The following ARHGAP23 variants were observed in gnomAD, a reference collection of about 807,000 sequenced individuals.
ARHGAP23 encodes the protein rho GTPase-activating protein 23.
A neutral mutation model predicts 136.3 loss-of-function variants in ARHGAP23; 34 were observed. The observed-to-expected ratio is 0.25, with a 90% CI of 0.19 to 0.33. The LOEUF (loss-of-function observed/expected upper bound fraction) is 0.33, where lower values mean the gene tolerates loss of function less well. Among genes scored for constraint, ARHGAP23 ranks in the 10% least tolerant of loss-of-function variants. ARHGAP23 has a pLI of 1.00. For synonymous variants in ARHGAP23, 832 were observed against 920.5 expected, an observed-to-expected ratio of 0.90 and a Z score of 1.74; for missense variants, 1,808 against 2,139.0, an observed-to-expected ratio of 0.85 and a Z score of 3.05.
At chr17:38,451,690 G>A (rs892789652) in intron 1 of ARHGAP23, 3 of 152,286 alleles carry the variant, frequency 2.0e-5, no homozygotes, top group Non-Finnish European at 4.4e-5. Context: ...CTCCGCCTGG[G>A]GCCCCAGAGT....
At chr17:38,437,863 G>A (rs1045771857) in intron 1 of ARHGAP23, among the ~76,000 whole-genome samples, 1 of 152,082 alleles carries the variant, frequency 6.6e-6, no homozygotes, top group African/African-American at 2.4e-5. Context: ...GCTTCTCTGT[G>A]TCTTCTGTGA....
chr17:38,478,708 C>T (rs551539117), intron 12 of ARHGAP23, among the ~76,000 whole-genome samples: 34 of 152,072 alleles, frequency 2.2e-4, no homozygotes, highest in Non-Finnish European at 3.4e-4. Context: ...TGTGCCCAGC[C>T]GAAGAATTTT....
chr17:38,491,011 C>T (rs1378291393), intron 19 of ARHGAP23, among the ~76,000 whole-genome samples: 1 of 152,208 alleles, frequency 6.6e-6, no homozygotes, highest in African/African-American at 2.4e-5. Flanking sequence ...CTTCGCCTCC[C>T]GGGTTCAAGC....
intron 12 of ARHGAP23, among the ~76,000 whole-genome samples, chr17:38,478,333 C>T (rs1597814013): frequency 6.6e-6 from 1 of 152,278 alleles, no homozygotes; most frequent in African/African-American, 2.4e-5. Flanking sequence ...AGCACATTGA[C>T]CTTGTGAGGA....
rs1236178331 is a variant in ARHGAP23 at position 38,511,192 on chromosome 17, A to G, written c.*220A>G. The G allele has an allele frequency of 7.7e-6, 4 of 522,148 alleles. No homozygotes were observed. Among genetic ancestry groups the G allele is most frequent in the Admixed American group, 4.3e-5 (1 of 23,076 alleles). The allele number at this position is 522,148 out of a possible 1,614,324, so 32.3% of individuals were successfully genotyped here. ...ATGGAAGGGGGTTCCAGAGGTGATG[A>G]GCAGAAGAGGAGGGGGCGTGGGCTG... On this transcript the variant is annotated 3_prime_UTR_variant, in exon 24 of 24. Transcript: ENST00000622683.
At chr17:38,471,812 T>G in intron 10 of ARHGAP23, 51 bp from the exon 11 acceptor site, 1 of 1,480,212 alleles carries the variant, frequency 6.8e-7, no homozygotes, top group Admixed American at 2.1e-5. Flanking sequence ...GTTCCTGAGA[T>G]GCTGGCATTG....
intron 1 of ARHGAP23, among the ~76,000 whole-genome samples, chr17:38,430,568 T>C (rs1165082220): frequency 1.3e-5 from 2 of 152,118 alleles, no homozygotes; most frequent in African/African-American, 4.8e-5. Context: ...CAGAAGGACT[T>C]CTTGATGTGT....
intron 14 of ARHGAP23, among the ~76,000 whole-genome samples, chr17:38,480,113 G>A (rs996961332): frequency 5.9e-5 from 9 of 152,102 alleles, no homozygotes; most frequent in Admixed American, 5.2e-4. Context: ...CCTGCTGGGT[G>A]GTCCTCTAAT....
At chr17:38,463,445 T>C in intron 6 of ARHGAP23, 63 bp downstream of exon 6, 1 of 1,525,920 alleles carries the variant, frequency 6.6e-7, no homozygotes, top group East Asian at 2.5e-5. Context: ...CCGGCTCCCC[T>C]GGGAGGCAGA....
At position 38,469,552 on chromosome 17, in the gene ARHGAP23, C is replaced by T. The variant is rs752242594; in HGVS notation, c.1833C>T (p.Ser611=). 1.1e-4 allele frequency: 168 copies of T among 1,548,534 alleles called. No homozygotes were observed. Among genetic ancestry groups the T allele is most frequent in the Admixed American group, 1.8e-4 (9 of 50,964 alleles). ...GCATCAAGGCTGGCCGCCGCTCCTC[C>T]TACCTGCTGGCCATCACCACGGAGC... ...CSSIKAGRRS[S]YLLAITTERS... Residue 611 remains serine, a synonymous_variant, in exon 9 of 24, where the codon TCC becomes TCT. Coordinates refer to ENST00000622683, the MANE Select transcript of ARHGAP23 (RefSeq NM_001199417.2).
chr17:38,480,803 CAAAAAAAAAA>C (rs764004002), intron 14 of ARHGAP23, among the ~76,000 whole-genome samples: 2 of 48,312 alleles, frequency 4.1e-5, no homozygotes, highest in Non-Finnish European at 8.4e-5. Flanking sequence ...GACCCTGTCT[CAAAAAAAAAA>C]AAAAAAAAAA....
rs892166407 is a variant in ARHGAP23 at position 38,467,014 on chromosome 17, G to T, written c.1331G>T (p.Gly444Val). Reference protein sequence around the residue: ...HALSFRDSPFGGLPTFNLAQS... With the variant: ...HALSFRDSPFVGLPTFNLAQS... ...CTCTCCTTCCGGGACTCACCCTTTGGGGGGCTGCCTACCTTCAACCTGGCC... is the reference window on the plus strand; with the variant it reads ...CTCTCCTTCCGGGACTCACCCTTTGTGGGGCTGCCTACCTTCAACCTGGCC... Residue 444 changes from glycine (G) to valine (V), a missense_variant, in exon 7 of 24, where the codon GGG becomes GTG. Around this residue, in one of 7 missense-constraint regions of ARHGAP23, gnomAD observed 859 missense variants for 936.4 expected, o/e 0.92. Coordinates refer to ENST00000622683, the MANE Select transcript of ARHGAP23 (RefSeq NM_001199417.2). 4 of 1,550,652 alleles carry T rather than the reference G, an allele frequency of 2.6e-6. No individual in the cohort carries two copies. The highest frequency in any genetic ancestry group is 2.4e-5 in the South Asian group (2 of 84,062).
rs2040748651 is a variant in ARHGAP23 at position 38,510,872 on chromosome 17, C to T, written c.4376C>T (p.Ser1459Leu). ...GAGTCCACCAAGGCGCGGGCCCCGT[C>T]GTCCGCTGCCTCGCAGCCGCCCGCG... ...SLESTKARAP[S>L]SAASQPPAPG... Residue 1459 changes from serine (S) to leucine (L), a missense_variant, in exon 24 of 24, where the codon TCG (serine) becomes TTG (leucine). Ser to Leu is a moderately radical substitution (Grantham distance 145). Transcript: ENST00000622683. This position sits in a 1 kb window ranked among gnomAD's most constrained non-coding sequence, Gnocchi z 4.6. 3.3e-6 allele frequency: 5 copies of T among 1,497,618 alleles called. No homozygotes were observed. Among genetic ancestry groups the T allele is most frequent in the Non-Finnish European group, 4.4e-6 (5 of 1,131,226 alleles). The allele number at this position is 1,497,618 out of a possible 1,614,324, so 92.8% of individuals were successfully genotyped here.
chr17:38,438,613 G>A (rs541381814), intron 1 of ARHGAP23, among the ~76,000 whole-genome samples: 3 of 151,942 alleles, frequency 2.0e-5, no homozygotes, highest in Admixed American at 6.6e-5. Flanking sequence ...CAAGGGTCTC[G>A]GGCAGTGGAG....
intron 6 of ARHGAP23, among the ~76,000 whole-genome samples, chr17:38,464,762 TCTG>T (rs769493408): frequency 6.6e-6 from 1 of 152,178 alleles, no homozygotes; most frequent in Non-Finnish European, 1.5e-5. Flanking sequence ...AGCCTCAAGT[TCTG>T]CTGCCCAGGC....
intron 1 of ARHGAP23, among the ~76,000 whole-genome samples, chr17:38,441,837 G>C (rs1003265773): frequency 6.6e-6 from 1 of 152,176 alleles, no homozygotes; most frequent in African/African-American, 2.4e-5. Flanking sequence ...CAGGACAAGG[G>C]CTTGGCACGT....
At chr17:38,446,031 T>G (rs1171735941) in intron 1 of ARHGAP23, among the ~76,000 whole-genome samples, 1 of 151,620 alleles carries the variant, frequency 6.6e-6, no homozygotes, top group African/African-American at 2.4e-5. Context: ...TTTTTTTTTT[T>G]TTTTTGAGAC....
At chr17:38,485,884 G>T (rs918909656) in intron 16 of ARHGAP23, among the ~76,000 whole-genome samples, 178 bp from the exon 17 acceptor site, 6 of 152,210 alleles carry the variant, frequency 3.9e-5, no homozygotes. Context: ...GTGAGTGTGG[G>T]CACAGGACCT....
intron 1 of ARHGAP23, among the ~76,000 whole-genome samples, chr17:38,450,198 G>A (rs996200080): frequency 6.6e-6 from 1 of 152,154 alleles, no homozygotes; most frequent in African/African-American, 2.4e-5. Flanking sequence ...ATCCCTAAAG[G>A]TTTCAGGAGC....
Sources: allele counts gnomAD v4.1 joint callset (sites outside exome capture counted in the v4.1 genomes callset), GRCh38; gene constraint gnomAD v4.1.1; regional missense constraint gnomAD v4.1.1; non-coding constraint Gnocchi (gnomAD v3.1); transcripts MANE v1.5; gene names NCBI Gene and HGNC (gene_info 2026-07-23, HGNC 2026-07-21).